The following SLC9B1 variants were observed in gnomAD, a reference collection of about 807,000 sequenced individuals.
SLC9B1 encodes solute carrier family 9 member B1, also known as sodium/hydrogen exchanger 9B1.
SLC9B1 carries 32 observed loss-of-function variants against 51.7 expected under a neutral mutation model. That is an observed-to-expected ratio of 0.62 (90% CI 0.47 to 0.83). The LOEUF (loss-of-function observed/expected upper bound fraction) is 0.83. Among genes scored for constraint, SLC9B1 ranks in the 40% least tolerant of loss-of-function variants. The pLI, the probability that SLC9B1 is intolerant of heterozygous loss-of-function variation, is 0.00. For synonymous variants in SLC9B1, 145 were observed against 212.7 expected, an observed-to-expected ratio of 0.68 and a Z score of 2.77; for missense variants, 406 against 613.2, an observed-to-expected ratio of 0.66 and a Z score of 3.57.
intron 7 of SLC9B1, among the ~76,000 whole-genome samples, chr4:102,914,778 T>C (rs1331889194): frequency 3.3e-5 from 5 of 151,944 alleles, no homozygotes; most frequent in African/African-American, 7.3e-5. Flanking sequence ...GTATGTATTA[T>C]GAAAGTGCCA....
intron 3 of SLC9B1, among the ~76,000 whole-genome samples, chr4:102,984,474 G>T (rs910908061): frequency 6.6e-6 from 1 of 152,114 alleles, no homozygotes; most frequent in Admixed American, 6.6e-5. Context: ...ATCTAGAAGT[G>T]TGTTGTTTAA....
chr4:103,007,069 C>T (rs1204798101), intron 1 of SLC9B1, among the ~76,000 whole-genome samples: 3 of 152,148 alleles, frequency 2.0e-5, no homozygotes, highest in Admixed American at 6.5e-5. Flanking sequence ...CAGAGCAAGT[C>T]GAGGATGCCC....
At chr4:102,985,415 T>C (rs1051345419) in intron 3 of SLC9B1, among the ~76,000 whole-genome samples, 7 of 152,258 alleles carry the variant, frequency 4.6e-5, no homozygotes, top group East Asian at 1.9e-4. Context: ...GTGGTTTTAA[T>C]TGAGCATTTT....
rs200017682 is a variant in SLC9B1 at position 102,940,395 on chromosome 4, G to A, written c.653+4798C>T. Among the ~76,000 whole-genome samples, 4 of 152,204 alleles carry A rather than the reference G, an allele frequency of 2.6e-5. No homozygotes were observed. The East Asian group carries it at 7.7e-4, about 29-fold the overall frequency. ...GGAAAACATTCCATGATCACAGATAGGAAGAAGCAATATTGTTAAAATGGC... is the reference window on the plus strand; with the variant it reads ...GGAAAACATTCCATGATCACAGATAAGAAGAAGCAATATTGTTAAAATGGC... On this transcript the variant is annotated intron_variant, in intron 6 of 11. Transcript: ENST00000296422.
At chr4:103,011,643 G>A (rs1425238875) in intron 1 of SLC9B1, among the ~76,000 whole-genome samples, 9 of 152,152 alleles carry the variant, frequency 5.9e-5, no homozygotes, top group African/African-American at 2.2e-4. Context: ...TGAAATCTAT[G>A]CGGAGATAGC....
chr4:102,970,642 A>G (rs1251963754), intron 3 of SLC9B1, among the ~76,000 whole-genome samples: 1 of 152,224 alleles, frequency 6.6e-6, no homozygotes, highest in East Asian at 1.9e-4. Flanking sequence ...TAACAATATT[A>G]ACCTTAAATG....
intron 7 of SLC9B1, 91 bp downstream of exon 7, chr4:102,932,033 A>G: frequency 1.7e-6 from 2 of 1,210,284 alleles, no homozygotes; most frequent in Non-Finnish European, 2.4e-6. Context: ...GTCTTGGTTA[A>G]TAAATGAAGA....
At chr4:102,958,691 G>A (rs906558444) in intron 3 of SLC9B1, among the ~76,000 whole-genome samples, 2 of 152,078 alleles carry the variant, frequency 1.3e-5, no homozygotes, top group Admixed American at 6.5e-5. Flanking sequence ...GGGAGGCCGT[G>A]GTGGGCGGAT....
chr4:102,958,433 G>A (rs147446750), intron 3 of SLC9B1, among the ~76,000 whole-genome samples: 2 of 152,182 alleles, frequency 1.3e-5, no homozygotes, highest in South Asian at 2.1e-4. Flanking sequence ...ATAAATTATC[G>A]AGTCTCAGGT....
chr4:102,977,031 T>C (rs1049615699), intron 3 of SLC9B1, among the ~76,000 whole-genome samples: 1 of 151,928 alleles, frequency 6.6e-6, no homozygotes, highest in African/African-American at 2.4e-5. Flanking sequence ...GTGCCTGCAG[T>C]CCCAGCTACT....
chr4:102,987,338 A>G (rs576977502), intron 3 of SLC9B1, among the ~76,000 whole-genome samples: 1 of 152,296 alleles, frequency 6.6e-6, no homozygotes, highest in African/African-American at 2.4e-5. Context: ...AAATCTTACT[A>G]TCAGTTTTTA....
chr4:103,010,901 G>A (rs530924858), intron 1 of SLC9B1, among the ~76,000 whole-genome samples: 166 of 152,232 alleles, frequency 1.1e-3, no homozygotes, highest in African/African-American at 3.8e-3. Flanking sequence ...ATAGCATTTT[G>A]CCCCTTCCCC....
chr4:102,960,938 G>C (rs1195651628), intron 3 of SLC9B1, among the ~76,000 whole-genome samples: 1 of 151,750 alleles, frequency 6.6e-6, no homozygotes, highest in African/African-American at 2.4e-5. Flanking sequence ...CTCCATGTTG[G>C]TCAGGCTGCT....
At chr4:102,949,473 A>T (rs372783385) in intron 3 of SLC9B1, 46 bp from the exon 4 acceptor site, 63 of 1,399,682 alleles carry the variant, frequency 4.5e-5, no homozygotes, top group Non-Finnish European at 5.8e-5. Context: ...ATACACATAG[A>T]TGTATACAAA....
At chr4:102,910,191 TATA>T (rs1414389869) in intron 9 of SLC9B1, among the ~76,000 whole-genome samples, 1 of 152,104 alleles carries the variant, frequency 6.6e-6, no homozygotes, top group Non-Finnish European at 1.5e-5. Flanking sequence ...ATAAAGGTAA[TATA>T]ATAATATTAT....
intron 3 of SLC9B1, among the ~76,000 whole-genome samples, chr4:102,969,015 T>C (rs1578389231): frequency 6.6e-6 from 1 of 152,056 alleles, no homozygotes; most frequent in Non-Finnish European, 1.5e-5. Context: ...CTTGAGTAGG[T>C]AAGCAAAGCA....
chr4:102,898,104 G>T, downstream of SLC9B1: 1 of 497,112 alleles, frequency 2.0e-6, no homozygotes, highest in South Asian at 1.5e-5. Context: ...TGGTTATTTA[G>T]AACTTCTTCA....
chr4:102,921,262 C>G (rs561689744), intron 7 of SLC9B1, among the ~76,000 whole-genome samples: 3 of 152,140 alleles, frequency 2.0e-5, no homozygotes, highest in African/African-American at 7.2e-5. Context: ...ATATTCAACA[C>G]TCTTAAAGAA....
At chr4:103,018,680 C>A (rs983460311) in intron 1 of SLC9B1, among the ~76,000 whole-genome samples, 4 of 151,990 alleles carry the variant, frequency 2.6e-5, no homozygotes, top group African/African-American at 9.7e-5. Flanking sequence ...AGTGAGGGAC[C>A]TGGTATGGTC....
Sources: gnomAD v4.1 joint callset for allele counts (sites outside exome capture counted in the v4.1 genomes callset) on GRCh38, gnomAD v4.1.1 for gene constraint, MANE v1.5 for transcripts, NCBI Gene and HGNC (gene_info 2026-07-23, HGNC 2026-07-21) for gene names.